The following TLL1 variants were observed in gnomAD, a reference collection of about 807,000 sequenced individuals.
TLL1 encodes tolloid like 1.
TLL1 carries 49 observed loss-of-function variants against 128.2 expected under a neutral mutation model. That is an observed-to-expected ratio of 0.38 (90% CI 0.30 to 0.48). The LOEUF (loss-of-function observed/expected upper bound fraction) is 0.48, where lower values mean the gene tolerates loss of function less well. Ranked by LOEUF, TLL1 falls within the 20% of genes least tolerant of loss-of-function variation. The pLI, the probability that TLL1 is intolerant of heterozygous loss-of-function variation, is 0.96. For synonymous variants in TLL1, 454 were observed against 418.8 expected, an observed-to-expected ratio of 1.08 and a Z score of -1.03; for missense variants, 1,123 against 1,242.0, an observed-to-expected ratio of 0.90 and a Z score of 1.44.
rs1740058524 is a variant in TLL1 at position 166,057,218 on chromosome 4, C to A, written c.1755C>A (p.Gly585=). ...EDECAKPDRG[G]CEQRCLNTLG... ...AGTGTGCCAAACCTGACCGTGGAGG[C>A]TGTGAGCAGCGATGTCTGAACACTC... The change falls in exon 14 of 21, where the codon GGC becomes GGA. Residue 585 remains glycine, a synonymous_variant. Transcript: ENST00000061240. 3 of 1,613,908 alleles carry A rather than the reference C, an allele frequency of 1.9e-6. No homozygotes were observed. The highest frequency in any genetic ancestry group is 2.5e-6 in the Non-Finnish European group (3 of 1,179,914).
intron 1 of TLL1, among the ~76,000 whole-genome samples, chr4:165,923,657 G>C (rs549903487): frequency 6.6e-6 from 1 of 151,738 alleles, no homozygotes; most frequent in African/African-American, 2.4e-5. Context: ...GGATGGTCTC[G>C]ATTTCCTGAC....
At chr4:166,084,073 A>C (rs1741399428) in intron 18 of TLL1, among the ~76,000 whole-genome samples, 2 of 152,120 alleles carry the variant, frequency 1.3e-5, no homozygotes, top group Admixed American at 1.3e-4. Context: ...TTATGATAAT[A>C]GTCATTCTAG....
intron 1 of TLL1, among the ~76,000 whole-genome samples, chr4:165,950,871 T>A (rs1734479358): frequency 6.6e-6 from 1 of 151,844 alleles, no homozygotes; most frequent in South Asian, 2.1e-4. Flanking sequence ...ACAGAAAACC[T>A]AAAGCAAGCA....
chr4:165,930,018 A>C (rs1431981550), intron 1 of TLL1, among the ~76,000 whole-genome samples: 6 of 152,204 alleles, frequency 3.9e-5, no homozygotes, highest in Non-Finnish European at 8.8e-5. Flanking sequence ...TGAATTTGTC[A>C]CAACTTCACT....
chr4:165,967,177 G>T lies in TLL1; in HGVS notation c.170-22204G>T, dbSNP rs1735426503. On this transcript the variant is annotated intron_variant, in intron 1 of 20. Coordinates refer to ENST00000061240, the MANE Select transcript of TLL1 (RefSeq NM_012464.5). The stretch of plus-strand genomic sequence containing the variant: ...TGACTCTGTTCTGTCTGGCCCCTCG[G>T]GCAGTCAGGCCCAATGGTTATCTCC... 2.0e-5 allele frequency among the ~76,000 whole-genome samples: 3 copies of T among 152,168 alleles called. No individual in the cohort carries two copies. In the South Asian group the frequency reaches 6.2e-4, roughly 32 times the overall value.
chr4:166,067,462 G>A (rs191817213), intron 16 of TLL1, among the ~76,000 whole-genome samples: 5 of 151,706 alleles, frequency 3.3e-5, no homozygotes, highest in Admixed American at 3.3e-4. Flanking sequence ...CTGAAGCCTT[G>A]TGCAGAAGAT....
chr4:165,895,297 T>A (rs916099500), intron 1 of TLL1, among the ~76,000 whole-genome samples: 7 of 152,122 alleles, frequency 4.6e-5, no homozygotes, highest in African/African-American at 9.7e-5. Context: ...CTATGTGAGT[T>A]TAGTAAGATT....
chr4:166,049,532 G>A (rs1175392194), intron 12 of TLL1, among the ~76,000 whole-genome samples: 1 of 151,816 alleles, frequency 6.6e-6, no homozygotes, highest in Non-Finnish European at 1.5e-5. Flanking sequence ...CTTGAATCAT[G>A]AAGAAAAAAA....
chr4:165,887,192 A>G (rs1025147249), intron 1 of TLL1, among the ~76,000 whole-genome samples: 2 of 152,218 alleles, frequency 1.3e-5, no homozygotes, highest in African/African-American at 4.8e-5. Context: ...TGGCTTGATT[A>G]TAGTCATATG....
At chr4:165,925,209 A>T (rs2110895160) in intron 1 of TLL1, among the ~76,000 whole-genome samples, 1 of 152,358 alleles carries the variant, frequency 6.6e-6, no homozygotes. Flanking sequence ...GTTGCCATAA[A>T]TAGTGATTCC....
rs141987333 is a variant in TLL1, at chr4:165,911,349, T to A, written c.169+37276T>A. On this transcript the variant is annotated intron_variant, in intron 1 of 20. Coordinates refer to ENST00000061240, the MANE Select transcript of TLL1 (RefSeq NM_012464.5). The stretch of plus-strand genomic sequence containing the variant: ...ACATAATGATCTCCAGTTCCATCCA[T>A]GTTGCTGCAAATGATGTGATTTCAT... 3.7e-3 allele frequency among the ~76,000 whole-genome samples: 562 copies of A among 152,316 alleles called. 1 individual carries two copies. Among genetic ancestry groups the A allele is most frequent in the South Asian group, 0.014 (67 of 4,828 alleles).
chr4:165,960,044 AT>A (rs1735019780), intron 1 of TLL1, among the ~76,000 whole-genome samples: 2 of 152,114 alleles, frequency 1.3e-5, no homozygotes, highest in Admixed American at 1.3e-4. Context: ...GTTCAGCAAA[AT>A]CAAGTTGGTT....
Position 165,873,804 on chromosome 4 carries a change from TG to T in TLL1, c.-97del. The T allele has an allele frequency of 2.9e-6, 4 of 1,373,078 alleles. No individual in the cohort carries two copies. The highest frequency in any genetic ancestry group is 1.0e-6 in the Non-Finnish European group (1 of 975,566). The allele number at this position is 1,373,078 out of a possible 1,614,324, so 85.1% of individuals were successfully genotyped here. ...CCGGTCCCGCCGAGGAGCCTCCGGG[TG>T]GGGAGAAGAGCACCGGTGCCCCTAG... On this transcript the variant is annotated 5_prime_UTR_variant, in exon 1 of 21. Coordinates refer to ENST00000061240, the MANE Select transcript of TLL1 (RefSeq NM_012464.5).
At chr4:166,030,924 AT>A in intron 9 of TLL1, 2 of 981,568 alleles carry the variant, frequency 2.0e-6, no homozygotes, top group South Asian at 9.4e-5. Flanking sequence ...TTGGCTGCAC[AT>A]TTAACTTTGT....
At chr4:165,979,887 A>T (rs1426548222) in intron 1 of TLL1, among the ~76,000 whole-genome samples, 1 of 152,166 alleles carries the variant, frequency 6.6e-6, no homozygotes, top group Non-Finnish European at 1.5e-5. Context: ...TTTTCTATAC[A>T]GTTGAAATAC....
intron 12 of TLL1, among the ~76,000 whole-genome samples, chr4:166,049,866 CAG>C (rs1156955041): frequency 1.3e-5 from 2 of 151,516 alleles, no homozygotes; most frequent in African/African-American, 4.8e-5. Flanking sequence ...TTTTATTAAT[CAG>C]AGTTTTATTT....
intron 12 of TLL1, among the ~76,000 whole-genome samples, chr4:166,051,513 T>C (rs1178265577): frequency 6.6e-6 from 1 of 152,168 alleles, no homozygotes; most frequent in African/African-American, 2.4e-5. Context: ...ATGAAGTAAT[T>C]TGATGTAGCT....
intron 1 of TLL1, among the ~76,000 whole-genome samples, chr4:165,944,083 T>C (rs1734136184): frequency 6.6e-6 from 1 of 152,170 alleles, no homozygotes; most frequent in Non-Finnish European, 1.5e-5. Flanking sequence ...GATGCTTTTA[T>C]TATTGGTACT....
intron 1 of TLL1, among the ~76,000 whole-genome samples, chr4:165,976,914 T>C (rs1247844027): frequency 6.6e-6 from 1 of 152,198 alleles, no homozygotes; most frequent in East Asian, 1.9e-4. Flanking sequence ...GGTTTTTTTG[T>C]ATTTTTCTTC....
Sources: allele counts gnomAD v4.1 joint callset (sites outside exome capture counted in the v4.1 genomes callset), GRCh38; gene constraint gnomAD v4.1.1; transcripts MANE v1.5; gene names NCBI Gene and HGNC (gene_info 2026-07-23, HGNC 2026-07-21).